UGGT2: variants seen among roughly 807,000 people sequenced by gnomAD.
UGGT2 encodes UDP-glucose:glycoprotein glucosyltransferase 2.
A neutral mutation model predicts 192.1 loss-of-function variants in UGGT2; 180 were observed. That is an observed-to-expected ratio of 0.94 (90% CI 0.83 to 1.06). The LOEUF is 1.06. Among genes scored for constraint, UGGT2 ranks in the 50% least tolerant of loss-of-function variants. UGGT2 has a pLI of 0.00. For missense variants in UGGT2, 1,849 were observed against 1,795.7 expected (o/e 1.03, Z -0.54); for synonymous variants, 580 against 591.0 (o/e 0.98, Z 0.27).
At chr13:95,851,081 TC>T in intron 36 of UGGT2, among the ~76,000 whole-genome samples, 1 of 152,224 alleles carries the variant, frequency 6.6e-6, no homozygotes, top group South Asian at 2.1e-4. Flanking sequence ...CAATTCCATT[TC>T]CTTCCTTCCT....
At chr13:95,863,862 A>C (rs992929709) in intron 30 of UGGT2, 148 bp from the exon 31 acceptor site, 5 of 657,046 alleles carry the variant, frequency 7.6e-6, no homozygotes, top group Admixed American at 2.6e-5. Flanking sequence ...TCTTAGCACA[A>C]TGTTGTAAAC....
intron 25 of UGGT2, among the ~76,000 whole-genome samples, chr13:95,888,388 C>T (rs867157348): frequency 5.9e-5 from 9 of 152,232 alleles, no homozygotes; most frequent in Middle Eastern, 6.8e-3. Flanking sequence ...TGGCTACCTA[C>T]GAATAAATAC....
chr13:96,014,787 T>G (rs2052275831), intron 4 of UGGT2, among the ~76,000 whole-genome samples: 1 of 152,196 alleles, frequency 6.6e-6, no homozygotes, highest in African/African-American at 2.4e-5. Flanking sequence ...TGCATGAAAC[T>G]ATTAAAATTA....
At chr13:95,864,018 A>G (rs1178668341) in intron 30 of UGGT2, among the ~76,000 whole-genome samples, 3 of 152,158 alleles carry the variant, frequency 2.0e-5, no homozygotes, top group Non-Finnish European at 4.4e-5. Flanking sequence ...TTCAGAGTTT[A>G]GACATTATAC....
chr13:96,028,432 T>G (rs965024907), intron 2 of UGGT2, among the ~76,000 whole-genome samples: 7 of 152,234 alleles, frequency 4.6e-5, no homozygotes, highest in Admixed American at 6.5e-5. Flanking sequence ...CTGAGCAGCA[T>G]GTGAAGAAGT....
chr13:95,996,235 C>G, intron 6 of UGGT2, 100 bp from the exon 7 acceptor site: 1 of 1,030,758 alleles, frequency 9.7e-7, no homozygotes, highest in Non-Finnish European at 1.5e-6. Flanking sequence ...GGTGCGGCAG[C>G]TCATGCCTGT....
intron 1 of UGGT2, among the ~76,000 whole-genome samples, chr13:96,040,004 C>T (rs1050815627): frequency 2.0e-4 from 30 of 152,188 alleles, no homozygotes; most frequent in Middle Eastern, 3.2e-3. Context: ...CAGAATCACC[C>T]TTAATGTCCA....
chr13:95,906,265 C>T (rs1381771649), intron 20 of UGGT2, among the ~76,000 whole-genome samples: 3 of 152,072 alleles, frequency 2.0e-5, no homozygotes, highest in African/African-American at 7.2e-5. Context: ...TTTGTTGCAG[C>T]TCTTAGAAAT....
chr13:95,985,290 A>T, intron 9 of UGGT2: 1 of 1,288,396 alleles, frequency 7.8e-7, no homozygotes, highest in South Asian at 1.2e-5. Context: ...CAAATTCTTG[A>T]CATTTAAAGT....
chr13:95,812,909 G>A (rs1035102380), intron 38 of UGGT2, among the ~76,000 whole-genome samples: 12 of 152,146 alleles, frequency 7.9e-5, no homozygotes, highest in South Asian at 6.2e-4. Flanking sequence ...GCACAACTCC[G>A]TGAATACCCT....
intron 28 of UGGT2, 81 bp downstream of exon 28, chr13:95,877,617 A>C (rs936662258): frequency 6.8e-7 from 1 of 1,470,964 alleles, no homozygotes; most frequent in Admixed American, 2.2e-5. Context: ...AGCAGAATAA[A>C]GATTATTTCA....
intron 7 of UGGT2, 157 bp from the exon 8 acceptor site, chr13:95,990,230 A>G (rs2051414822): frequency 4.7e-6 from 2 of 429,896 alleles, no homozygotes; most frequent in Non-Finnish European, 8.2e-6. Context: ...ATATTCACGG[A>G]ACTTAAAAAT....
At chr13:95,803,914 G>C (rs1273597861) in intron 38 of UGGT2, among the ~76,000 whole-genome samples, 2 of 152,044 alleles carry the variant, frequency 1.3e-5, no homozygotes, top group Non-Finnish European at 2.9e-5. Context: ...TAAACAAAAA[G>C]GAACTGAAAA....
chr13:95,827,441 A>C (rs867448766), intron 38 of UGGT2, among the ~76,000 whole-genome samples: 1 of 152,138 alleles, frequency 6.6e-6, no homozygotes, highest in Non-Finnish European at 1.5e-5. Flanking sequence ...CATAAGGAAA[A>C]GAAAGCCATT....
At chr13:95,972,900 G>A (rs2050819724) in intron 10 of UGGT2, among the ~76,000 whole-genome samples, 1 of 152,262 alleles carries the variant, frequency 6.6e-6, no homozygotes, top group Non-Finnish European at 1.5e-5. Context: ...GCCAGGCGTG[G>A]CGGCTTACGC....
chr13:96,038,921 A>T (rs2053084586), intron 1 of UGGT2, among the ~76,000 whole-genome samples: 1 of 152,182 alleles, frequency 6.6e-6, no homozygotes, highest in Non-Finnish European at 1.5e-5. Context: ...TCTGGGTATG[A>T]TCCATCCTGG....
intron 36 of UGGT2, among the ~76,000 whole-genome samples, chr13:95,848,228 A>T (rs1168077649): frequency 6.6e-6 from 1 of 152,156 alleles, no homozygotes; most frequent in African/African-American, 2.4e-5. Context: ...CATCTTTTAC[A>T]AATATATTTT....
rs759692031 is a variant in UGGT2, at chr13:96,053,273, G to A, written c.40C>T (p.Leu14=). Residue 14 remains leucine (L), a synonymous_variant, in exon 1 of 39, where the codon CTA becomes TTA. Transcript: ENST00000376747. ...GAAAGCCACAGCGCTGTGGAGCCTA[G>A]TAGCAGCCGCACCACGTTCGTGGCT... The part of the protein sequence containing the change: ...AKATNVVRLL[L]GSTALWLSQL... 2 of 1,576,752 alleles carry A rather than the reference G, an allele frequency of 1.3e-6. No individual in the cohort carries two copies. The highest frequency in any genetic ancestry group is 2.7e-5 in the African/African-American group (2 of 72,846).
At chr13:95,927,400 G>A in intron 17 of UGGT2, 64 bp from the exon 18 acceptor site, 4 of 1,359,816 alleles carry the variant, frequency 2.9e-6, no homozygotes, top group South Asian at 1.5e-5. Flanking sequence ...CAAAAAGTAT[G>A]CAGATAACAC....
Sources: gnomAD v4.1 joint callset for allele counts (sites outside exome capture counted in the v4.1 genomes callset) on GRCh38, gnomAD v4.1.1 for gene constraint, MANE v1.5 for transcripts, NCBI Gene and HGNC (gene_info 2026-07-23, HGNC 2026-07-21) for gene names.